The following LARGE1 variants were observed in gnomAD, a reference collection of about 807,000 sequenced individuals.
The protein encoded by LARGE1 is LARGE xylosyl- and glucuronyltransferase 1.
A neutral mutation model predicts 87.6 loss-of-function variants in LARGE1; 43 were observed. The ratio of observed to expected loss-of-function variants is 0.49; its 90% CI spans 0.38 to 0.63. LARGE1 has a LOEUF of 0.63. Ranked by LOEUF, LARGE1 falls within the 30% of genes least tolerant of loss-of-function variation. The pLI is 0.00. For missense variants in LARGE1, 802 were observed against 1,000.2 expected (o/e 0.80, Z 2.67); for synonymous variants, 434 against 394.6 (o/e 1.10, Z -1.18).
chr22:33,836,099 G>C (rs1325210604), intron 1 of LARGE1, among the ~76,000 whole-genome samples: 1 of 152,172 alleles, frequency 6.6e-6, no homozygotes, highest in East Asian at 1.9e-4. Context: ...TCCGTGACCA[G>C]GAAAGGTTGA....
intron 7 of LARGE1, among the ~76,000 whole-genome samples, chr22:33,415,934 C>T (rs376552896): frequency 1.3e-5 from 2 of 152,194 alleles, no homozygotes; most frequent in African/African-American, 4.8e-5. Context: ...AGACCTTAGA[C>T]CTCCCTGATT....
chr22:33,128,014 T>C, the LARGE1 span, among the ~76,000 whole-genome samples: 3 of 152,220 alleles, frequency 2.0e-5, no homozygotes, highest in African/African-American at 7.2e-5. Flanking sequence ...CTCATACATA[T>C]ATTAGTATGC....
chr22:33,093,130 T>C, the LARGE1 span, among the ~76,000 whole-genome samples: 1 of 152,202 alleles, frequency 6.6e-6, no homozygotes, highest in Non-Finnish European at 1.5e-5. Flanking sequence ...AGCTCCTTTC[T>C]TTGCAAAATG....
intron 11 of LARGE1, among the ~76,000 whole-genome samples, chr22:33,262,954 C>A (rs1927725386): frequency 6.6e-6 from 1 of 151,362 alleles, no homozygotes; most frequent in African/African-American, 2.4e-5. Flanking sequence ...CTGCAGTGGA[C>A]TGATCTCAGC....
At chr22:33,721,616 A>G (rs956094879) in intron 2 of LARGE1, among the ~76,000 whole-genome samples, 2 of 152,216 alleles carry the variant, frequency 1.3e-5, no homozygotes, top group East Asian at 1.9e-4. Context: ...CATGCCCCCA[A>G]CTGAAGGGCA....
intron 2 of LARGE1, among the ~76,000 whole-genome samples, chr22:33,696,263 CTTT>C (rs150714476): frequency 0.058 from 3,565 of 61,344 alleles, 55 homozygotes; most frequent in Middle Eastern, 0.11. Context: ...TTCTTTCTTT[CTTT>C]TTTTTTTTTT....
At chr22:33,147,006 TTG>T in the LARGE1 span, among the ~76,000 whole-genome samples, 1 of 152,184 alleles carries the variant, frequency 6.6e-6, no homozygotes, top group South Asian at 2.1e-4. Flanking sequence ...ATAAAATCTT[TTG>T]TGTCCAGTAT....
Position 33,274,656 on chromosome 22 carries a change from G to C in LARGE1, c.2074-32C>G, listed in dbSNP as rs761359069. On this transcript the variant is annotated intron_variant, in intron 14 of 14. Transcript: ENST00000397394. The stretch of plus-strand genomic sequence containing the variant: ...GAAGACAAGAGCAGCGTGAGAACCC[G>C]CAAGAGCCGAGGGTCATGCATGATG... 5 of 1,596,266 alleles carry C rather than the reference G, an allele frequency of 3.1e-6. No individual in the cohort carries two copies. In the East Asian group the frequency reaches 1.1e-4, roughly 36 times the overall value.
chr22:33,120,370 C>CTTTCTTTCTT, the LARGE1 span, among the ~76,000 whole-genome samples: 2 of 83,706 alleles, frequency 2.4e-5, no homozygotes, highest in African/African-American at 6.9e-5. Flanking sequence ...TTCTTTCTTT[C>CTTTCTTTCTT]TTTCTTTCTT....
intron 4 of LARGE1, among the ~76,000 whole-genome samples, chr22:33,620,461 T>A (rs1054131465): frequency 6.6e-6 from 1 of 152,350 alleles, no homozygotes; most frequent in East Asian, 1.9e-4. Context: ...TTCCTCTGAA[T>A]AGCCTGCCGT....
At chr22:33,717,164 T>C (rs1351789461) in intron 2 of LARGE1, among the ~76,000 whole-genome samples, 1 of 152,172 alleles carries the variant, frequency 6.6e-6, no homozygotes, top group Non-Finnish European at 1.5e-5. Flanking sequence ...ATCTCCTTCA[T>C]TTATTCACTC....
intron 1 of LARGE1, among the ~76,000 whole-genome samples, chr22:33,815,624 T>C (rs1000412177): frequency 1.3e-5 from 2 of 152,108 alleles, no homozygotes; most frequent in East Asian, 3.9e-4. Context: ...AGTGCAAACA[T>C]CTGTCTATCA....
chr22:33,189,135 G>C (rs1433525124), intron 11 of LARGE1, among the ~76,000 whole-genome samples: 1 of 152,196 alleles, frequency 6.6e-6, no homozygotes, highest in East Asian at 1.9e-4. Context: ...GGTCCACAAA[G>C]CTGGAAAGAG....
chr22:33,899,111 C>T (rs886386133), intron 1 of LARGE1, among the ~76,000 whole-genome samples: 1 of 152,164 alleles, frequency 6.6e-6, no homozygotes, highest in Non-Finnish European at 1.5e-5. Flanking sequence ...ATCTCAATCT[C>T]GCCATGAAAA....
intron 6 of LARGE1, among the ~76,000 whole-genome samples, chr22:33,483,628 G>A (rs1236442129): frequency 6.6e-6 from 1 of 151,300 alleles, no homozygotes; most frequent in Non-Finnish European, 1.5e-5. Context: ...AAATAGGAGG[G>A]GTCGGGCTGC....
intron 12 of LARGE1, among the ~76,000 whole-genome samples, chr22:33,289,575 GA>G (rs1301928613): frequency 1.3e-5 from 2 of 152,176 alleles, no homozygotes; most frequent in African/African-American, 4.8e-5. Flanking sequence ...CAAGGCAAGA[GA>G]ATGGGCGAGA....
intron 6 of LARGE1, among the ~76,000 whole-genome samples, chr22:33,448,353 G>A (rs1486537619): frequency 6.6e-6 from 1 of 152,124 alleles, no homozygotes; most frequent in Non-Finnish European, 1.5e-5. Context: ...ATTCCACAAT[G>A]TACACAAATA....
the LARGE1 span, among the ~76,000 whole-genome samples, chr22:33,145,339 A>G: frequency 6.6e-6 from 1 of 152,186 alleles, no homozygotes; most frequent in Admixed American, 6.5e-5. Context: ...ACTGTCTTCC[A>G]GGAAGCTCTG....
chr22:33,830,594 G>A (rs9607079), intron 1 of LARGE1, among the ~76,000 whole-genome samples: 33,494 of 152,120 alleles, frequency 0.22, 3,888 homozygotes, highest in African/African-American at 0.28. Context: ...TAACTCCTAC[G>A]GTTACTGTGA....
Sources: allele counts gnomAD v4.1 joint callset (sites outside exome capture counted in the v4.1 genomes callset), GRCh38; gene constraint gnomAD v4.1.1; transcripts MANE v1.5; gene names NCBI Gene and HGNC (gene_info 2026-07-23, HGNC 2026-07-21).